The following FBXW11 variants were observed in gnomAD, a reference collection of about 807,000 sequenced individuals.
FBXW11 encodes F-box and WD repeat domain containing 11.
Under a neutral mutation model 77.6 loss-of-function variants are expected in FBXW11, and 19 were observed. The ratio of observed to expected loss-of-function variants is 0.24; its 90% CI spans 0.17 to 0.36. FBXW11 has a LOEUF of 0.36. Among genes scored for constraint, FBXW11 ranks in the 10% least tolerant of loss-of-function variants. The pLI is 1.00. For synonymous variants in FBXW11, 235 were observed against 249.4 expected, an observed-to-expected ratio of 0.94 and a Z score of 0.54; for missense variants, 334 against 704.2, an observed-to-expected ratio of 0.47 and a Z score of 5.95.
chr5:171,912,991 T>A (rs1240950388), intron 3 of FBXW11, among the ~76,000 whole-genome samples: 1 of 152,030 alleles, frequency 6.6e-6, no homozygotes, highest in Non-Finnish European at 1.5e-5. Context: ...GATCCAGGAT[T>A]TTATAAAACA....
chr5:171,963,452 G>A (rs1257266060), intron 1 of FBXW11, among the ~76,000 whole-genome samples: 1 of 152,140 alleles, frequency 6.6e-6, no homozygotes, highest in African/African-American at 2.4e-5. Context: ...AGAGAGACAG[G>A]GAGGGACCAG....
At chr5:171,888,151 G>A (rs140310715) in intron 7 of FBXW11, among the ~76,000 whole-genome samples, 10 of 152,200 alleles carry the variant, frequency 6.6e-5, no homozygotes, top group Non-Finnish European at 1.3e-4. Flanking sequence ...CAGTCATGAC[G>A]ACACACTGCA....
intron 2 of FBXW11, among the ~76,000 whole-genome samples, chr5:171,941,419 G>A (rs1419744080): frequency 2.6e-5 from 4 of 151,626 alleles, no homozygotes; most frequent in African/African-American, 9.7e-5. Context: ...AAAGAAGTGT[G>A]ACAACTAAAG....
At chr5:171,959,220 T>C (rs1763771472) in intron 1 of FBXW11, among the ~76,000 whole-genome samples, 1 of 151,966 alleles carries the variant, frequency 6.6e-6, no homozygotes, top group Non-Finnish European at 1.5e-5. Flanking sequence ...GTGCCTTTAT[T>C]CCAAAGCCAA....
At position 171,862,479 on chromosome 5, in the gene FBXW11, A is replaced by T. The variant is rs2113719706; in HGVS notation, c.*1648T>A. 6.5e-6 allele frequency: 1 copy of T among 152,786 alleles called. No individual in the cohort carries two copies. The highest frequency in any genetic ancestry group is 1.9e-4 in the East Asian group (1 of 5,194). 9.5% of individuals were successfully genotyped at this position (152,786 alleles called of 1,614,324 possible). A position where few individuals can be genotyped will look rare whatever the true frequency, so the allele number is the denominator to read the frequency against. On this transcript the variant is annotated 3_prime_UTR_variant, in exon 14 of 14. Coordinates refer to ENST00000517395, the MANE Select transcript of FBXW11 (RefSeq NM_001378974.1). Reference sequence around the variant, plus strand: ...AGTGTGCTTCCACGGGAAGAGGTTTACTTTATAGGAGGCTGTTTATTGGTC... The same window carrying T: ...AGTGTGCTTCCACGGGAAGAGGTTTTCTTTATAGGAGGCTGTTTATTGGTC...
At chr5:171,935,321 C>T (rs1762417597) in intron 2 of FBXW11, among the ~76,000 whole-genome samples, 1 of 152,014 alleles carries the variant, frequency 6.6e-6, no homozygotes, top group Non-Finnish European at 1.5e-5. Flanking sequence ...GGTTATACAA[C>T]TCTGTGACTA....
At chr5:171,919,151 G>A (rs1011681880) in intron 2 of FBXW11, among the ~76,000 whole-genome samples, 15 of 152,084 alleles carry the variant, frequency 9.9e-5, no homozygotes, top group African/African-American at 3.1e-4. Context: ...GGAAAACCAT[G>A]GTTATCAGTG....
intron 7 of FBXW11, among the ~76,000 whole-genome samples, chr5:171,880,587 T>C (rs1397663817): frequency 6.6e-6 from 1 of 152,256 alleles, no homozygotes; most frequent in Non-Finnish European, 1.5e-5. Context: ...CCCATTTATT[T>C]AGTTCTTTGA....
chr5:171,933,859 A>G (rs189893471), intron 2 of FBXW11, among the ~76,000 whole-genome samples: 1 of 152,338 alleles, frequency 6.6e-6, no homozygotes, highest in African/African-American at 2.4e-5. Flanking sequence ...ATTTAAAAAA[A>G]AAACTATACA....
chr5:171,900,015 T>C lies in FBXW11; in HGVS notation c.522A>G (p.Glu174=), dbSNP rs779063331. The change falls in exon 5 of 14, where the codon GAA becomes GAG. Residue 174 remains glutamate, a synonymous_variant. Coordinates refer to ENST00000517395, the MANE Select transcript of FBXW11 (RefSeq NM_001378974.1). ...SLCAAELVCK[E]WQRVISEGML... ...TTCCTTCTGAGATCACTCGCTGCCA[T>C]TCTTTACATACCAGCTCTGCTGCAC... The C allele has an allele frequency of 2.0e-5, 32 of 1,613,758 alleles. No homozygotes were observed. Among genetic ancestry groups the C allele is most frequent in the Non-Finnish European group, 2.5e-5 (30 of 1,179,808 alleles).
intron 6 of FBXW11, among the ~76,000 whole-genome samples, chr5:171,895,031 C>G (rs1002024859): frequency 3.9e-5 from 6 of 152,154 alleles, no homozygotes; most frequent in Admixed American, 2.0e-4. Context: ...GCTAATAAGC[C>G]TGAGCCTTCC....
intron 2 of FBXW11, among the ~76,000 whole-genome samples, chr5:171,932,403 G>A (rs1016526043): frequency 1.3e-5 from 2 of 152,140 alleles, no homozygotes; most frequent in Non-Finnish European, 1.5e-5. Flanking sequence ...TGAAATGCTG[G>A]AGAAGATGTG....
intron 2 of FBXW11, among the ~76,000 whole-genome samples, chr5:171,918,358 T>G (rs1761387145): frequency 6.6e-6 from 1 of 152,046 alleles, no homozygotes; most frequent in African/African-American, 2.4e-5. Flanking sequence ...ACTTTGAATT[T>G]TATTCCTTAA....
At position 171,876,947 on chromosome 5, in the gene FBXW11, G is replaced by GC. The variant is rs1232620007; in HGVS notation, c.972-414dup. 4.6e-5 allele frequency among the ~76,000 whole-genome samples: 7 copies of GC among 152,216 alleles called. No individual in the cohort carries two copies. Among genetic ancestry groups the GC allele is most frequent in the African/African-American group, 1.7e-4 (7 of 41,452 alleles). On this transcript the variant is annotated intron_variant, in intron 8 of 13. Transcript: ENST00000517395. This position sits in a 1 kb window ranked among gnomAD's most constrained non-coding sequence, Gnocchi z 4.2. ...ATGCTGGTGCCATGCTTCTTGCAGA[G>GC]CCTGCAGAACCATGAGTCAAATACA...
chr5:171,959,466 A>C (rs1340677493), intron 1 of FBXW11, among the ~76,000 whole-genome samples: 4 of 152,164 alleles, frequency 2.6e-5, no homozygotes, highest in African/African-American at 9.7e-5. Flanking sequence ...ATCAGGAAAG[A>C]GATATCAAGC....
At chr5:171,971,296 C>A (rs1339141736) in intron 1 of FBXW11, among the ~76,000 whole-genome samples, 1 of 152,120 alleles carries the variant, frequency 6.6e-6, no homozygotes, top group East Asian at 1.9e-4. Flanking sequence ...GAAAACAACA[C>A]TCTGGAACTT....
intron 7 of FBXW11, among the ~76,000 whole-genome samples, chr5:171,886,359 G>A (rs1479778678): frequency 6.6e-6 from 1 of 150,730 alleles, no homozygotes; most frequent in African/African-American, 2.4e-5. Context: ...ACTCATAGGT[G>A]GGAATTGAAC....
chr5:171,918,510 T>C (rs1335535659), intron 2 of FBXW11, among the ~76,000 whole-genome samples: 1 of 152,120 alleles, frequency 6.6e-6, no homozygotes, highest in Non-Finnish European at 1.5e-5. Context: ...CCTCTTTAAG[T>C]CTCCAACACT....
intron 6 of FBXW11, among the ~76,000 whole-genome samples, chr5:171,893,421 C>CAAAAAAAAAAAAAA (rs397999920): frequency 0.019 from 768 of 39,816 alleles, 203 homozygotes; most frequent in Middle Eastern, 0.071. Flanking sequence ...ACTTCAAAAC[C>CAAAAAAAAAAAAAA]AAAAAAAAAA....
Sources: gnomAD v4.1 joint callset for allele counts (sites outside exome capture counted in the v4.1 genomes callset) on GRCh38, gnomAD v4.1.1 for gene constraint, Gnocchi (gnomAD v3.1) non-coding constraint, MANE v1.5 for transcripts, NCBI Gene and HGNC (gene_info 2026-07-23, HGNC 2026-07-21) for gene names.